CDCP1: variants seen among roughly 807,000 people sequenced by gnomAD.
The protein encoded by CDCP1 is CUB domain-containing protein 1.
CDCP1 carries 29 observed loss-of-function variants against 60.2 expected under a neutral mutation model. That is an observed-to-expected ratio of 0.48 (90% CI 0.36 to 0.66). CDCP1 has a LOEUF of 0.66. Ranked by LOEUF, CDCP1 falls within the 30% of genes least tolerant of loss-of-function variation. The pLI is 0.00. For missense variants in CDCP1, 876 were observed against 1,074.3 expected (o/e 0.82, Z 2.58); for synonymous variants, 387 against 431.1 (o/e 0.90, Z 1.27).
rs146677219 is a variant in CDCP1 at position 45,138,867 on chromosome 3, A to G, written c.82+7339T>C. 5.6e-3 allele frequency among the ~76,000 whole-genome samples: 848 copies of G among 152,296 alleles called. 8 individuals are homozygous for G. The highest frequency in any genetic ancestry group is 0.019 in the African/African-American group (792 of 41,564). On this transcript the variant is annotated intron_variant, in intron 1 of 8. Coordinates refer to ENST00000296129, the MANE Select transcript of CDCP1 (RefSeq NM_022842.5). ...ATCTCAAAGAAAAAAAAGAAGAAAGAAAAGAAAAAGAAAGACCGAAAAGAA... is the reference window on the plus strand; with the variant it reads ...ATCTCAAAGAAAAAAAAGAAGAAAGGAAAGAAAAAGAAAGACCGAAAAGAA...
intron 7 of CDCP1, among the ~76,000 whole-genome samples, chr3:45,090,152 G>C (rs1428145058): frequency 6.6e-6 from 1 of 152,160 alleles, no homozygotes; most frequent in Non-Finnish European, 1.5e-5. Flanking sequence ...CAGTTCTCTT[G>C]AGGCTAACCA....
chr3:45,143,180 G>A (rs1261611393), intron 1 of CDCP1, among the ~76,000 whole-genome samples: 1 of 152,096 alleles, frequency 6.6e-6, no homozygotes, highest in Non-Finnish European at 1.5e-5. Context: ...CTCCAGCTTG[G>A]GCAATAAGAG....
intron 4 of CDCP1, among the ~76,000 whole-genome samples, chr3:45,105,667 T>C (rs1001020121): frequency 6.6e-6 from 1 of 152,180 alleles, no homozygotes; most frequent in African/African-American, 2.4e-5. Context: ...TAAAGCCTTA[T>C]AGATGGGTAG....
intron 1 of CDCP1, among the ~76,000 whole-genome samples, chr3:45,126,108 C>CTCTTTCTTTCCT (rs1553610966): frequency 0.14 from 15,789 of 110,036 alleles, 1,712 homozygotes; most frequent in Admixed American, 0.17. Flanking sequence ...TTGTCTCTCT[C>CTCTTTCTTTCCT]TCTTTCTTTC....
rs1698131729 is a variant in CDCP1 at position 45,083,153 on chromosome 3, A to G, written c.*2485T>C. On this transcript the variant is annotated 3_prime_UTR_variant, in exon 9 of 9. Coordinates refer to ENST00000296129, the MANE Select transcript of CDCP1 (RefSeq NM_022842.5). ...TGGGGAATGTCGAGAATGGAGGGCTAGGGCTCCACACAGTGAATTCAAATA... is the reference window on the plus strand; with the variant it reads ...TGGGGAATGTCGAGAATGGAGGGCTGGGGCTCCACACAGTGAATTCAAATA... The G allele has an allele frequency of 6.6e-6, 1 of 152,216 alleles. No homozygotes were observed. Among genetic ancestry groups the G allele is most frequent in the Non-Finnish European group, 1.5e-5 (1 of 68,054 alleles). The allele number at this position is 152,216 out of a possible 1,614,324, so 9.4% of individuals were successfully genotyped here.
intron 1 of CDCP1, among the ~76,000 whole-genome samples, chr3:45,129,945 T>C (rs1180555685): frequency 6.6e-6 from 1 of 151,912 alleles, no homozygotes; most frequent in Non-Finnish European, 1.5e-5. Flanking sequence ...ATAGTGAACC[T>C]GGGGTGGGGA....
At chr3:45,129,577 G>A (rs545214599) in intron 1 of CDCP1, among the ~76,000 whole-genome samples, 55 of 152,252 alleles carry the variant, frequency 3.6e-4, no homozygotes, top group African/African-American at 1.1e-3. Flanking sequence ...TGTGAGTCAC[G>A]AGGACCATGA....
rs537299364 is a variant in CDCP1, at chr3:45,133,093, T to C, written c.82+13113A>G. 3.3e-5 allele frequency among the ~76,000 whole-genome samples: 5 copies of C among 152,260 alleles called. No homozygotes were observed. In the South Asian group the frequency reaches 1.0e-3, roughly 32 times the overall value. On this transcript the variant is annotated intron_variant, in intron 1 of 8. Transcript: ENST00000296129. ...TAAGGGAGAGTCTCTGTAGCTAGTATTGAAGATGGAGGGGTCCACATGACA... is the reference window on the plus strand; with the variant it reads ...TAAGGGAGAGTCTCTGTAGCTAGTACTGAAGATGGAGGGGTCCACATGACA...
chr3:45,141,868 G>A (rs1217624089), intron 1 of CDCP1, among the ~76,000 whole-genome samples: 4 of 151,856 alleles, frequency 2.6e-5, no homozygotes, highest in African/African-American at 9.7e-5. Context: ...GTCTTGTTCT[G>A]TCACTTAGGC....
At position 45,121,179 on chromosome 3, in the gene CDCP1, C is replaced by G. The variant is rs555784049; in HGVS notation, c.83-2558G>C. ...TTCGGCTAATAAATCCTGGCAAGAACAAGGGACTATGCATCTTTTAATTAA... is the reference window on the plus strand; with the variant it reads ...TTCGGCTAATAAATCCTGGCAAGAAGAAGGGACTATGCATCTTTTAATTAA... On this transcript the variant is annotated intron_variant, in intron 1 of 8. Transcript: ENST00000296129. Among the ~76,000 whole-genome samples, 7 of 152,346 alleles carry G rather than the reference C, an allele frequency of 4.6e-5. No individual in the cohort carries two copies. The South Asian group carries it at 6.2e-4, about 14-fold the overall frequency.
intron 1 of CDCP1, among the ~76,000 whole-genome samples, chr3:45,136,383 G>A (rs1699190717): frequency 6.6e-6 from 1 of 152,188 alleles, no homozygotes; most frequent in Non-Finnish European, 1.5e-5. Context: ...TATTGCTAAG[G>A]AAGAAGGAGG....
At chr3:45,089,494 G>GA (rs1339025110) in intron 7 of CDCP1, among the ~76,000 whole-genome samples, 1 of 152,038 alleles carries the variant, frequency 6.6e-6, no homozygotes, top group Non-Finnish European at 1.5e-5. Context: ...TTCCACCGGG[G>GA]AAAAAAATCA....
chr3:45,128,381 T>A (rs1699035913), intron 1 of CDCP1, among the ~76,000 whole-genome samples: 1 of 152,206 alleles, frequency 6.6e-6, no homozygotes, highest in Non-Finnish European at 1.5e-5. Context: ...GGTGCTGGCA[T>A]ACAAAGATGA....
At chr3:45,117,258 T>C (rs144473075) in intron 2 of CDCP1, among the ~76,000 whole-genome samples, 28 of 152,300 alleles carry the variant, frequency 1.8e-4, no homozygotes, top group African/African-American at 5.5e-4. Flanking sequence ...CCTACCTAAT[T>C]ATTATTATTT....
intron 4 of CDCP1, among the ~76,000 whole-genome samples, chr3:45,099,349 T>A (rs906559882): frequency 6.6e-6 from 1 of 152,160 alleles, no homozygotes; most frequent in Non-Finnish European, 1.5e-5. Context: ...TAATACCCAG[T>A]GTTGCTGATA....
At chr3:45,131,328 C>T (rs1392590538) in intron 1 of CDCP1, among the ~76,000 whole-genome samples, 2 of 152,036 alleles carry the variant, frequency 1.3e-5, no homozygotes, top group Non-Finnish European at 2.9e-5. Context: ...TCATTTTAAC[C>T]GTTTTAAAGT....
chr3:45,124,779 A>G (rs1289944007), intron 1 of CDCP1, among the ~76,000 whole-genome samples: 1 of 152,118 alleles, frequency 6.6e-6, no homozygotes, highest in Non-Finnish European at 1.5e-5. Flanking sequence ...TAAATTGTGG[A>G]TGTGCACACC....
In CDCP1 at chr3:45,108,954, T is replaced by TA. The variant is rs1224356043; in HGVS notation, c.1024+1518_1024+1519insT. Among the ~76,000 whole-genome samples the TA allele has an allele frequency of 4.3e-4, 14 of 32,710 alleles. 7 individuals are homozygous for TA. The highest frequency in any genetic ancestry group is 7.1e-4 in the Non-Finnish European group (10 of 14,156). 21.5% of individuals were successfully genotyped at this position (32,710 alleles called of 152,430 possible). On this transcript the variant is annotated intron_variant, in intron 4 of 8. Transcript: ENST00000296129. ...ATGTATACATATATATATATATATA[T>TA]TTTTTTTTTTTTTGAGATGGAGTCT...
At chr3:45,132,198 T>C (rs952032467) in intron 1 of CDCP1, among the ~76,000 whole-genome samples, 1 of 148,380 alleles carries the variant, frequency 6.7e-6, no homozygotes, top group Non-Finnish European at 1.5e-5. Flanking sequence ...ATCACACCAC[T>C]GCACTACAGC....
Sources: gnomAD v4.1 joint callset for allele counts (sites outside exome capture counted in the v4.1 genomes callset) on GRCh38, gnomAD v4.1.1 for gene constraint, MANE v1.5 for transcripts, NCBI Gene and HGNC (gene_info 2026-07-23, HGNC 2026-07-21) for gene names.